The following ATL2 variants were observed in gnomAD, a reference collection of about 807,000 sequenced individuals.
ATL2 encodes atlastin-2.
ATL2 carries 31 observed loss-of-function variants against 73.9 expected under a neutral mutation model. The observed-to-expected ratio is 0.42, with a 90% CI of 0.32 to 0.57. The LOEUF (loss-of-function observed/expected upper bound fraction) is 0.57, where lower values mean the gene tolerates loss of function less well. ATL2 is among the 20% of genes least tolerant of loss of function. The pLI is 0.14. For missense variants in ATL2, 738 were observed against 702.6 expected, an observed-to-expected ratio of 1.05 and a Z score of -0.57; for synonymous variants, 291 against 237.5, an observed-to-expected ratio of 1.23 and a Z score of -2.07.
rs149741455 is a variant in ATL2 at position 38,302,142 on chromosome 2, G to A, written c.1072-1814C>T. Among the ~76,000 whole-genome samples the A allele has an allele frequency of 2.0e-3, 309 of 152,264 alleles. 2 individuals are homozygous for A. The highest frequency in any genetic ancestry group is 7.1e-3 in the African/African-American group (297 of 41,556). On this transcript the variant is annotated intron_variant, in intron 9 of 12. Coordinates refer to ENST00000378954, the MANE Select transcript of ATL2 (RefSeq NM_001135673.4). ...ACCAAGTCCTGGCAGGGTTCATCAC[G>A]TGCTGACTCAAGAGCCTCTGGGCTC...
intron 1 of ATL2, among the ~76,000 whole-genome samples, chr2:38,367,157 GT>G (rs965927270): frequency 1.3e-5 from 2 of 150,504 alleles, no homozygotes; most frequent in African/African-American, 2.4e-5. Flanking sequence ...TTTCAGGTAG[GT>G]TTTTTTTTAG....
intron 1 of ATL2, among the ~76,000 whole-genome samples, chr2:38,352,088 G>C (rs1188135222): frequency 2.3e-5 from 3 of 131,486 alleles, no homozygotes; most frequent in African/African-American, 8.8e-5. Flanking sequence ...TCCAGCCTGG[G>C]CGACAGAGCA....
intron 2 of ATL2, among the ~76,000 whole-genome samples, chr2:38,323,070 G>A (rs765971712): frequency 8.5e-5 from 13 of 152,130 alleles, no homozygotes; most frequent in Non-Finnish European, 1.5e-4. Context: ...ATACAGCAGT[G>A]AACAAGAATA....
chr2:38,294,481 G>C lies in ATL2; in HGVS notation c.*1513C>G, dbSNP rs1666782076. On this transcript the variant is annotated 3_prime_UTR_variant, in exon 13 of 13. Transcript: ENST00000378954. Reference sequence around the variant, plus strand: ...GAGAATCACTTGAACCCAGGAGGTGGAGGTTGCAGTGAGCCAAGATCGCAC... The same window carrying C: ...GAGAATCACTTGAACCCAGGAGGTGCAGGTTGCAGTGAGCCAAGATCGCAC... Among the ~76,000 whole-genome samples the C allele has an allele frequency of 6.6e-6, 1 of 152,174 alleles. No homozygotes were observed. The highest frequency in any genetic ancestry group is 2.1e-4 in the South Asian group (1 of 4,832).
intron 6 of ATL2, 25 bp downstream of exon 6, chr2:38,314,583 T>A: frequency 6.4e-7 from 1 of 1,555,324 alleles, no homozygotes; most frequent in South Asian, 1.1e-5. Context: ...GGCTAATCTT[T>A]AAAATGTTAG....
At chr2:38,343,149 TAAAAAAAAAAAA>T (rs59215933) in intron 2 of ATL2, 107 bp downstream of exon 2, 90,908 of 364,216 alleles carry the variant, frequency 0.25, 9,060 homozygotes, top group African/African-American at 0.37. Flanking sequence ...CCACTTAAAT[TAAAAAAAAAAAA>T]AAAAAAAAAA....
At chr2:38,361,010 C>G (rs1423984090) in intron 1 of ATL2, among the ~76,000 whole-genome samples, 1 of 151,826 alleles carries the variant, frequency 6.6e-6, no homozygotes, top group Non-Finnish European at 1.5e-5. Context: ...TGCATAAGAT[C>G]TAAATATTTA....
At chr2:38,326,305 T>TA (rs1668660720) in intron 2 of ATL2, among the ~76,000 whole-genome samples, 1 of 152,144 alleles carries the variant, frequency 6.6e-6, no homozygotes, top group Non-Finnish European at 1.5e-5. Flanking sequence ...AAAAACACGT[T>TA]AAACACAGCC....
intron 2 of ATL2, among the ~76,000 whole-genome samples, chr2:38,329,938 G>A (rs1668886218): frequency 6.6e-6 from 1 of 152,058 alleles, no homozygotes; most frequent in Non-Finnish European, 1.5e-5. Context: ...AGACCAGGCT[G>A]GCCAACATGG....
chr2:38,308,620 A>G (rs754814808), intron 9 of ATL2, among the ~76,000 whole-genome samples: 9 of 152,136 alleles, frequency 5.9e-5, no homozygotes, highest in Non-Finnish European at 1.2e-4. Flanking sequence ...TGTCTGTAAC[A>G]TAAGGAAGGG....
At chr2:38,322,056 G>A (rs1668354707) in intron 2 of ATL2, among the ~76,000 whole-genome samples, 1 of 151,990 alleles carries the variant, frequency 6.6e-6, no homozygotes, top group Admixed American at 6.6e-5. Flanking sequence ...CCTTTATATG[G>A]TTTTGCAGTT....
At chr2:38,334,951 A>ATTATAATAT (rs1558423233) in intron 2 of ATL2, among the ~76,000 whole-genome samples, 38 of 26,338 alleles carry the variant, frequency 1.4e-3, no homozygotes, top group Middle Eastern at 0.028. Context: ...ACATTTATAT[A>ATTATAATAT]ATAAATATAA....
Position 38,306,431 on chromosome 2 carries a change from C to A in ATL2, c.1071+2948G>T, listed in dbSNP as rs890351862. ...CTGATACCAAAACCAGACAAAGACT[C>A]AGCAAAAAATTACAGGCCAATATCC... On this transcript the variant is annotated intron_variant, in intron 9 of 12. Coordinates refer to ENST00000378954, the MANE Select transcript of ATL2 (RefSeq NM_001135673.4). 2.3e-4 allele frequency among the ~76,000 whole-genome samples: 35 copies of A among 152,140 alleles called. 1 individual carries two copies. The highest frequency in any genetic ancestry group is 8.2e-4 in the African/African-American group (34 of 41,442).
chr2:38,345,930 T>C (rs908192170), intron 1 of ATL2, among the ~76,000 whole-genome samples: 5 of 152,228 alleles, frequency 3.3e-5, no homozygotes, highest in African/African-American at 1.2e-4. Flanking sequence ...AGTTGAAATA[T>C]GTATGCTACG....
intron 8 of ATL2, 32 bp from the exon 9 acceptor site, chr2:38,309,538 T>C (rs1667634425): frequency 1.3e-6 from 2 of 1,591,208 alleles, no homozygotes; most frequent in South Asian, 1.1e-5. Flanking sequence ...AACATATTAG[T>C]CCAAAAAAAA....
chr2:38,373,509 A>T (rs1221747016), intron 1 of ATL2, among the ~76,000 whole-genome samples: 1 of 152,238 alleles, frequency 6.6e-6, no homozygotes, highest in Non-Finnish European at 1.5e-5. Context: ...AGTACATATT[A>T]TCTCCTTGGG....
At chr2:38,339,172 C>G (rs897170394) in intron 2 of ATL2, among the ~76,000 whole-genome samples, 1 of 152,044 alleles carries the variant, frequency 6.6e-6, no homozygotes, top group Admixed American at 6.6e-5. Context: ...GCCGAGACTG[C>G]GCTACTGCAC....
chr2:38,310,599 C>A (rs1007210006), intron 7 of ATL2, 152 bp from the exon 8 acceptor site: 2 of 504,526 alleles, frequency 4.0e-6, no homozygotes, highest in Non-Finnish European at 6.5e-6. Context: ...ATTATGAAGG[C>A]CCATTTCTGA....
At chr2:38,349,529 G>A (rs11892978) in intron 1 of ATL2, among the ~76,000 whole-genome samples, 1 of 107,464 alleles carries the variant, frequency 9.3e-6, no homozygotes, top group Non-Finnish European at 1.8e-5. Flanking sequence ...GTTGTGGGGT[G>A]GGGGGAGGGG....
Sources: gnomAD v4.1 joint callset for allele counts (sites outside exome capture counted in the v4.1 genomes callset) on GRCh38, gnomAD v4.1.1 for gene constraint, MANE v1.5 for transcripts, NCBI Gene and HGNC (gene_info 2026-07-23, HGNC 2026-07-21) for gene names.